The following AKAP9 variants were observed in gnomAD, a reference collection of about 807,000 sequenced individuals.
The protein encoded by AKAP9 is A-kinase anchor protein 9.
AKAP9 carries 311 observed loss-of-function variants against 488.5 expected under a neutral mutation model. That is an observed-to-expected ratio of 0.64 (90% CI 0.58 to 0.70). The LOEUF (loss-of-function observed/expected upper bound fraction) is 0.70. AKAP9 is among the 30% of genes least tolerant of loss of function. The probability of loss-of-function intolerance (pLI) is 0.00; values close to 1 mark genes in which losing one functional copy is unlikely to be tolerated. For missense variants in AKAP9, 4,215 were observed against 4,374.5 expected (o/e 0.96, Z 1.03); for synonymous variants, 1,462 against 1,483.5 (o/e 0.99, Z 0.33).
chr7:92,048,514 G>A (rs1584312786), intron 21 of AKAP9, among the ~76,000 whole-genome samples: 1 of 152,348 alleles, frequency 6.6e-6, no homozygotes, highest in East Asian at 1.9e-4. Flanking sequence ...GGTCTTCACT[G>A]TGATGATTCA....
At chr7:92,048,586 C>T (rs1807396198) in intron 21 of AKAP9, among the ~76,000 whole-genome samples, 1 of 152,110 alleles carries the variant, frequency 6.6e-6, no homozygotes, top group Non-Finnish European at 1.5e-5. Flanking sequence ...GCTGCTGCCT[C>T]CTTTTGGAGA....
At chr7:92,020,184 G>A (rs1802126510) in intron 12 of AKAP9, among the ~76,000 whole-genome samples, 1 of 152,138 alleles carries the variant, frequency 6.6e-6, no homozygotes. Context: ...TTGGGATCAG[G>A]ATCAGGACTG....
At chr7:92,063,989 C>A (rs1309576221) in intron 24 of AKAP9, among the ~76,000 whole-genome samples, 1 of 152,116 alleles carries the variant, frequency 6.6e-6, no homozygotes, top group Non-Finnish European at 1.5e-5. Flanking sequence ...ACCATGTTGG[C>A]CAGGCTGGTC....
chr7:92,034,971 A>G (rs1044534321), intron 16 of AKAP9, among the ~76,000 whole-genome samples: 9 of 152,026 alleles, frequency 5.9e-5, no homozygotes, highest in African/African-American at 2.2e-4. Context: ...ATTGCTACCC[A>G]TATCTTTTTG....
intron 1 of AKAP9, among the ~76,000 whole-genome samples, chr7:91,945,365 C>G (rs1051606339): frequency 2.0e-5 from 3 of 152,192 alleles, no homozygotes; most frequent in Admixed American, 1.3e-4. Flanking sequence ...AAAAAATTAG[C>G]CAGGCGTGGT....
At chr7:92,072,875 A>T (rs1487985921) in intron 28 of AKAP9, among the ~76,000 whole-genome samples, 1 of 152,148 alleles carries the variant, frequency 6.6e-6, no homozygotes, top group Non-Finnish European at 1.5e-5. Flanking sequence ...CCGAGGACAG[A>T]CTCTGTTATC....
intron 23 of AKAP9, among the ~76,000 whole-genome samples, 162 bp downstream of exon 23, chr7:92,061,584 C>CTATATATATATA (rs71528033): frequency 0.025 from 2,578 of 102,078 alleles, 59 homozygotes; most frequent in Non-Finnish European, 0.033. Context: ...ATTTTTAAAA[C>CTATATATATATA]TATATATATA....
chr7:92,040,550 A>G (rs1805895908), intron 17 of AKAP9, 124 bp from the exon 18 acceptor site: 4 of 684,782 alleles, frequency 5.8e-6, no homozygotes, highest in South Asian at 2.0e-5. Context: ...ATAATAAAAT[A>G]TCACATGCTT....
intron 37 of AKAP9, among the ~76,000 whole-genome samples, chr7:92,087,581 A>G (rs1814785499): frequency 6.6e-6 from 1 of 152,070 alleles, no homozygotes; most frequent in South Asian, 2.1e-4. Context: ...ATAATACTTA[A>G]CACCCAGATC....
At chr7:91,986,157 G>A (rs937699645) in intron 3 of AKAP9, among the ~76,000 whole-genome samples, 24 of 152,152 alleles carry the variant, frequency 1.6e-4, no homozygotes, top group African/African-American at 5.3e-4. Context: ...ATGTGTCCAG[G>A]AATTCATCCA....
intron 28 of AKAP9, among the ~76,000 whole-genome samples, chr7:92,074,536 C>T (rs1812241854): frequency 6.6e-6 from 1 of 152,202 alleles, no homozygotes; most frequent in Non-Finnish European, 1.5e-5. Flanking sequence ...GATTATAAAT[C>T]ATTCTACTAT....
chr7:92,067,408 C>T (rs1810944182), intron 26 of AKAP9, among the ~76,000 whole-genome samples: 1 of 152,122 alleles, frequency 6.6e-6, no homozygotes, highest in Non-Finnish European at 1.5e-5. Flanking sequence ...AAATTCTGTA[C>T]CTTCTAACCT....
intron 1 of AKAP9, among the ~76,000 whole-genome samples, chr7:91,965,484 C>CA (rs1482940888): frequency 1.3e-5 from 2 of 152,170 alleles, no homozygotes; most frequent in Non-Finnish European, 2.9e-5. Context: ...AATAGTACTA[C>CA]AAAAAAACAT....
intron 2 of AKAP9, among the ~76,000 whole-genome samples, chr7:91,979,348 C>G (rs1160993002): frequency 5.9e-5 from 9 of 152,068 alleles, no homozygotes; most frequent in Non-Finnish European, 1.3e-4. Context: ...AGGGAAACCC[C>G]TTATAAAACC....
rs754714695 is a variant in AKAP9 at position 91,940,990 on chromosome 7, G to C, written c.-110G>C. ...GGCGGGGGAGCGCCGGACCGAATCG[G>C]CTCTCTAGGCCGTGGAGCTTGCCGT... On this transcript the variant is annotated 5_prime_UTR_variant, in exon 1 of 50. Coordinates refer to ENST00000356239, the MANE Select transcript of AKAP9 (RefSeq NM_005751.5). The C allele has an allele frequency of 2.6e-6, 3 of 1,152,884 alleles. No homozygotes were observed. The allele number at this position is 1,152,884 out of a possible 1,614,324, so 71.4% of individuals were successfully genotyped here.
chr7:92,042,175 A>G lies in AKAP9; in HGVS notation c.5047A>G (p.Thr1683Ala). The G allele has an allele frequency of 3.7e-6, 6 of 1,613,872 alleles. No homozygotes were observed. Among genetic ancestry groups the G allele is most frequent in the Non-Finnish European group, 4.2e-6 (5 of 1,179,816 alleles). Residue 1683 changes from threonine (T) to alanine (A), a missense_variant, in exon 19 of 50, where the codon ACG becomes GCG. Thr to Ala is a moderately conservative substitution (Grantham distance 58). Around this residue, in one of 5 missense-constraint regions of AKAP9, gnomAD observed 2,361 missense variants for 2,430.0 expected, o/e 0.97. Coordinates refer to ENST00000356239, the MANE Select transcript of AKAP9 (RefSeq NM_005751.5). ...GTGTTGTGAGCTGCGCAACAGCAGT[A>G]CGCAAACACAGGTAGTATGGACTTT... is the stretch of plus-strand genomic sequence containing the variant. ...KLCCELRNSS[T>A]QTQNGNENQG...
Position 92,001,225 on chromosome 7 carries a change from G to A in AKAP9, c.1308G>A (p.Glu436=). 3 of 1,614,000 alleles carry A rather than the reference G, an allele frequency of 1.9e-6. No individual in the cohort carries two copies. Among genetic ancestry groups the A allele is most frequent in the Non-Finnish European group, 1.7e-6 (2 of 1,179,948 alleles). ...TQRKLEQLRA[E]LDEMYGQQIV... ...GAAAGTTAGAACAACTCCGGGCAGAGCTGGATGAGATGTATGGGCAGCAGA... is the reference window on the plus strand; with the variant it reads ...GAAAGTTAGAACAACTCCGGGCAGAACTGGATGAGATGTATGGGCAGCAGA... The change falls in exon 8 of 50, where the codon GAG becomes GAA. Residue 436 remains glutamate (E), a synonymous_variant. Coordinates refer to ENST00000356239, the MANE Select transcript of AKAP9 (RefSeq NM_005751.5).
chr7:92,083,212 C>T lies in AKAP9; in HGVS notation c.8203C>T (p.Gln2735Ter). The change falls in exon 33 of 50, where the codon CAA (glutamine) becomes TAA (stop). Residue 2735 changes from glutamine (Q) to a stop codon, truncating the protein, a stop_gained. Coordinates refer to ENST00000356239, the MANE Select transcript of AKAP9 (RefSeq NM_005751.5). LOFTEE classifies it high-confidence loss of function. ...NMTSLQKDLSQVRDHLAEAKE... is the reference protein window; with the variant it reads ...NMTSLQKDLS ...GACATCTCTTCAGAAAGACTTAAGCCAAGTTAGGGATCACCTCGCAGAGGC... is the reference window on the plus strand; with the variant it reads ...GACATCTCTTCAGAAAGACTTAAGCTAAGTTAGGGATCACCTCGCAGAGGC... 6.2e-7 allele frequency: 1 copy of T among 1,613,946 alleles called. No homozygotes were observed. Among genetic ancestry groups the T allele is most frequent in the Non-Finnish European group, 8.5e-7 (1 of 1,179,950 alleles).
intron 1 of AKAP9, among the ~76,000 whole-genome samples, chr7:91,947,888 T>C (rs1791666236): frequency 6.6e-6 from 1 of 152,202 alleles, no homozygotes; most frequent in South Asian, 2.1e-4. Flanking sequence ...AACTACTGCT[T>C]CTGTCTACTT....
Sources: allele counts gnomAD v4.1 joint callset (sites outside exome capture counted in the v4.1 genomes callset), GRCh38; gene constraint gnomAD v4.1.1; regional missense constraint gnomAD v4.1.1; transcripts MANE v1.5; gene names NCBI Gene and HGNC (gene_info 2026-07-23, HGNC 2026-07-21).